Variants in ZNF75D observed in about 807,000 individuals in gnomAD.
The protein encoded by ZNF75D is zinc finger protein 75D.
ZNF75D carries 33 observed loss-of-function variants against 33.3 expected under a neutral mutation model. The ratio of observed to expected loss-of-function variants is 0.99; its 90% CI spans 0.75 to 1.32. ZNF75D has a LOEUF of 1.32. ZNF75D is among the 40% of genes most tolerant of loss of function. ZNF75D has a pLI of 0.00. For synonymous variants in ZNF75D, 113 were observed against 130.6 expected (o/e 0.87, Z 0.92); for missense variants, 338 against 367.5 (o/e 0.92, Z 0.66).
chrX:135,332,360 T>A, intron 1 of ZNF75D, among the ~76,000 whole-genome samples: 1 of 110,581 alleles, frequency 9.0e-6, no homozygotes, highest in Admixed American at 9.5e-5. Context: ...AATCCTAAGG[T>A]GATAGTATTA....
intron 1 of ZNF75D, among the ~76,000 whole-genome samples, chrX:135,322,069 A>C (rs934739202): frequency 8.9e-6 from 1 of 112,025 alleles, no homozygotes; most frequent in African/African-American, 3.2e-5. Flanking sequence ...TTGTCAATTA[A>C]TCTTTGCTGA....
In ZNF75D at chrX:135,291,497, G is replaced by A; in HGVS notation, c.671C>T (p.Ser224Phe). The A allele has an allele frequency of 8.3e-7, 1 of 1,212,039 alleles. No homozygotes were observed. Among genetic ancestry groups the A allele is most frequent in the South Asian group, 1.8e-5 (1 of 57,000 alleles). Residue 224 changes from serine (S) to phenylalanine (F), a missense_variant, in exon 5 of 7, where the codon TCT becomes TTT. By Grantham distance (155) the Ser-to-Phe change is radical. Coordinates refer to ENST00000370766, the MANE Select transcript of ZNF75D (RefSeq NM_007131.5). The stretch of plus-strand genomic sequence containing the variant: ...CAGGGACTCAGGCAGGATGAGTTTA[G>A]ATGCCATCTTCCAGTGTTTGATTCT... Reference protein sequence around the residue: ...QKRIKHWKMASKLILPESLSL... With the variant: ...QKRIKHWKMAFKLILPESLSL...
chrX:135,316,686 C>CT (rs1208964303), intron 1 of ZNF75D, among the ~76,000 whole-genome samples: 2 of 110,582 alleles, frequency 1.8e-5, no homozygotes, highest in African/African-American at 6.6e-5. Flanking sequence ...TTTGTTCATT[C>CT]TTTTTTATTT....
chrX:135,264,794 G>T (rs1394645422), intron 1 of ZNF75D, among the ~76,000 whole-genome samples: 2 of 110,647 alleles, frequency 1.8e-5, no homozygotes, highest in Admixed American at 9.6e-5. Context: ...TCAAGCAGAA[G>T]AAATAATTAG....
intron 2 of ZNF75D, chrX:135,252,603 A>AT (rs1379674179): frequency 2.8e-5 from 2 of 70,974 alleles, no homozygotes; most frequent in Non-Finnish European, 5.3e-5. Flanking sequence ...TTCACCAGTG[A>AT]TTTTCAAAGG....
At chrX:135,285,496 C>T (rs1299710730), downstream of ZNF75D, among the ~76,000 whole-genome samples, 2 of 112,239 alleles carry the variant, frequency 1.8e-5, no homozygotes, top group Non-Finnish European at 3.8e-5. Flanking sequence ...TGATGGAAAA[C>T]TCATTAATGA....
At chrX:135,298,728 C>T (rs189605177) in intron 1 of ZNF75D, 2 of 111,510 alleles carry the variant, frequency 1.8e-5, no homozygotes, top group African/African-American at 3.3e-5. Context: ...ATTTACCTCA[C>T]CCCGCAAAAA....
At chrX:135,315,553 A>G (rs2084409943) in intron 1 of ZNF75D, among the ~76,000 whole-genome samples, 1 of 111,927 alleles carries the variant, frequency 8.9e-6, no homozygotes, top group Non-Finnish European at 1.9e-5. Flanking sequence ...CTCCATAATT[A>G]CTGTATTAGA....
intron 1 of ZNF75D, among the ~76,000 whole-genome samples, chrX:135,340,249 A>G (rs1055968444): frequency 8.9e-6 from 1 of 112,155 alleles, no homozygotes; most frequent in East Asian, 2.8e-4. Context: ...CCACAATCCA[A>G]TGATTAGCTT....
chrX:135,332,142 T>C lies in ZNF75D; in HGVS notation c.-391+9626A>G, dbSNP rs1022830383. On this transcript the variant is annotated intron_variant, in intron 1 of 6. Transcript: ENST00000370766. ...GAGCAGCAGGTAGGCCAAGAAGGAG[T>C]AAAACCCACAGGAGCAGAGGCCGAT... is the stretch of plus-strand genomic sequence containing the variant. 9.3e-4 allele frequency among the ~76,000 whole-genome samples: 102 copies of C among 109,551 alleles called. 1 individual carries two copies. The Admixed American group carries it at 9.6e-3, about 10-fold the overall frequency.
At chrX:135,326,011 T>C (rs2084567574) in intron 1 of ZNF75D, among the ~76,000 whole-genome samples, 1 of 111,061 alleles carries the variant, frequency 9.0e-6, no homozygotes, top group South Asian at 3.9e-4. Flanking sequence ...GGTTTGTGAA[T>C]GCACCAATCG....
At chrX:135,253,504 A>G (rs1345481819) in intron 2 of ZNF75D, 1 of 293,276 alleles carries the variant, frequency 3.4e-6, no homozygotes, top group African/African-American at 2.8e-5. Flanking sequence ...CATGTGGCTT[A>G]CGTGCTGAAG....
At chrX:135,272,175 C>A (rs1423194683) in intron 1 of ZNF75D, among the ~76,000 whole-genome samples, 1 of 107,100 alleles carries the variant, frequency 9.3e-6, no homozygotes, top group Non-Finnish European at 1.9e-5. Flanking sequence ...CACATTCTGA[C>A]CTGCTAACTG....
intron 1 of ZNF75D, among the ~76,000 whole-genome samples, chrX:135,325,530 G>A (rs1556436905): frequency 8.9e-6 from 1 of 112,087 alleles, no homozygotes; most frequent in Non-Finnish European, 1.9e-5. Context: ...CATGGGCTTG[G>A]CGGGCCCCGC....
intron 1 of ZNF75D, among the ~76,000 whole-genome samples, chrX:135,265,271 C>T (rs1247794632): frequency 3.7e-5 from 4 of 108,607 alleles, no homozygotes; most frequent in African/African-American, 1.0e-4. Context: ...GAAAGAGAGA[C>T]AGGGGTAGAA....
In ZNF75D at chrX:135,296,637, C is replaced by G. The variant is rs1569490729; in HGVS notation, c.-390-598G>C. 2.7e-5 allele frequency among the ~76,000 whole-genome samples: 3 copies of G among 112,541 alleles called. No individual in the cohort carries two copies. The Admixed American group carries it at 2.8e-4, about 11-fold the overall frequency. On this transcript the variant is annotated intron_variant, in intron 1 of 6. Transcript: ENST00000370766. The stretch of plus-strand genomic sequence containing the variant: ...CTCTCGCTAGATCAGAAACAACAGT[C>G]CCTTACATTTTCAAAACCATATTCT...
chrX:135,320,402 T>C (rs1034226699), intron 1 of ZNF75D, among the ~76,000 whole-genome samples: 20 of 111,891 alleles, frequency 1.8e-4, no homozygotes, highest in African/African-American at 5.5e-4. Context: ...ATACCATTAA[T>C]TTAATAATAT....
chrX:135,295,407 C>T (rs1380223921), intron 2 of ZNF75D, among the ~76,000 whole-genome samples: 2 of 112,239 alleles, frequency 1.8e-5, no homozygotes, highest in Non-Finnish European at 3.8e-5. Flanking sequence ...TTCACTACAA[C>T]TTATAGATCA....
intron 1 of ZNF75D, among the ~76,000 whole-genome samples, chrX:135,314,629 A>AT (rs1278521764): frequency 9.0e-6 from 1 of 110,738 alleles, no homozygotes; most frequent in Non-Finnish European, 1.9e-5. Context: ...TTGTTGGGAG[A>AT]TTTTTTACTA....
Sources: allele counts gnomAD v4.1 joint callset (sites outside exome capture counted in the v4.1 genomes callset), GRCh38; gene constraint gnomAD v4.1.1; transcripts MANE v1.5; gene names NCBI Gene and HGNC (gene_info 2026-07-23, HGNC 2026-07-21).